The following ZNF76 variants were observed in gnomAD, a reference collection of about 807,000 sequenced individuals.
ZNF76 encodes zinc finger protein 76.
A neutral mutation model predicts 66.9 loss-of-function variants in ZNF76; 66 were observed. That is an observed-to-expected ratio of 0.99 (90% CI 0.81 to 1.21). The LOEUF (loss-of-function observed/expected upper bound fraction) is 1.21, where lower values mean the gene tolerates loss of function less well. Ranked by LOEUF, ZNF76 falls within the 50% of genes most tolerant of loss-of-function variation. ZNF76 has a pLI of 0.00. For synonymous variants in ZNF76, 275 were observed against 296.1 expected (o/e 0.93, Z 0.73); for missense variants, 729 against 760.3 (o/e 0.96, Z 0.48).
At position 35,295,289 on chromosome 6, in the gene ZNF76, C is replaced by T; in HGVS notation, c.*41C>T. The T allele has an allele frequency of 6.6e-7, 1 of 1,514,720 alleles. No individual in the cohort carries two copies. The highest frequency in any genetic ancestry group is 1.7e-4 in the Middle Eastern group (1 of 5,898). The allele number at this position is 1,514,720 out of a possible 1,614,324, so 93.8% of individuals were successfully genotyped here. On this transcript the variant is annotated 3_prime_UTR_variant, in exon 14 of 14. Coordinates refer to ENST00000373953, the MANE Select transcript of ZNF76 (RefSeq NM_003427.5). ...GTCCCACACCATGCTGGAGGAAGTGCCATCTGCATGGCCACTCTTGCCCCC... is the reference window on the plus strand; with the variant it reads ...GTCCCACACCATGCTGGAGGAAGTGTCATCTGCATGGCCACTCTTGCCCCC...
chr6:35,294,650 T>C (rs769057190), intron 13 of ZNF76, 81 bp downstream of exon 13: 22 of 1,005,822 alleles, frequency 2.2e-5, no homozygotes, highest in Admixed American at 5.6e-5. Context: ...ATGAGGATCT[T>C]GAAGAGAAGG....
chr6:35,271,541 G>A (rs1295784134), intron 1 of ZNF76, among the ~76,000 whole-genome samples: 3 of 152,116 alleles, frequency 2.0e-5, no homozygotes, highest in Non-Finnish European at 2.9e-5. Flanking sequence ...GTGATGGCTC[G>A]TGTCTGTAGT....
At chr6:35,263,503 C>T (rs1390508321) in intron 1 of ZNF76, among the ~76,000 whole-genome samples, 1 of 152,180 alleles carries the variant, frequency 6.6e-6, no homozygotes, top group Non-Finnish European at 1.5e-5. Flanking sequence ...TGTGGGTCAC[C>T]AAATTCCCAG....
rs1255198716 is a variant in ZNF76, at chr6:35,293,186, G to A, written c.1329+142G>A. 20 of 989,030 alleles carry A rather than the reference G, an allele frequency of 2.0e-5. No homozygotes were observed. The Admixed American group carries it at 2.3e-4, about 11-fold the overall frequency. 61.3% of individuals were successfully genotyped at this position (989,030 alleles called of 1,614,324 possible). ...TTTATAGACTTCAGAGGCTGAGGCTGAGGAGACCACATCTTGCAGCACAGC... is the reference window on the plus strand; with the variant it reads ...TTTATAGACTTCAGAGGCTGAGGCTAAGGAGACCACATCTTGCAGCACAGC... On this transcript the variant is annotated intron_variant, in intron 11 of 13. Coordinates refer to ENST00000373953, the MANE Select transcript of ZNF76 (RefSeq NM_003427.5).
chr6:35,294,735 C>T (rs1350359656), intron 13 of ZNF76, 166 bp downstream of exon 13: 2 of 678,906 alleles, frequency 2.9e-6, no homozygotes, highest in Admixed American at 2.1e-5. Flanking sequence ...GTCTCAGGCT[C>T]GCTCTTGGCT....
chr6:35,274,950 C>G (rs955963602), intron 1 of ZNF76, among the ~76,000 whole-genome samples: 1 of 151,888 alleles, frequency 6.6e-6, no homozygotes, highest in Non-Finnish European at 1.5e-5. Context: ...GTCAGGAGTT[C>G]GAGATCAGCC....
Position 35,286,116 on chromosome 6 carries a change from C to T in ZNF76, c.74-12C>T. ...GTCCTGGCCCATTTCTCTCTATTTC[C>T]ACTCTTAACAGGAGAGAAGCTTCTT... On this transcript the variant is annotated splice_polypyrimidine_tract_variant and intron_variant, in intron 2 of 13. Coordinates refer to ENST00000373953, the MANE Select transcript of ZNF76 (RefSeq NM_003427.5). The T allele has an allele frequency of 1.2e-6, 2 of 1,613,548 alleles. No individual in the cohort carries two copies. The highest frequency in any genetic ancestry group is 1.1e-5 in the South Asian group (1 of 91,070).
Position 35,292,014 on chromosome 6 carries a change from C to CT in ZNF76, c.931+278dup. 1 of 534,488 alleles carries CT rather than the reference C, an allele frequency of 1.9e-6. No homozygotes were observed. The highest frequency in any genetic ancestry group is 2.1e-5 in the South Asian group (1 of 46,648). 33.1% of individuals were successfully genotyped at this position (534,488 alleles called of 1,614,324 possible). ...TACACCCACCCTGAGTTCTCCAACTCTGACTGAACTCTTGAAAAGAGGCCA... is the reference window on the plus strand; with the variant it reads ...TACACCCACCCTGAGTTCTCCAACTCTTGACTGAACTCTTGAAAAGAGGCCA... On this transcript the variant is annotated intron_variant, in intron 9 of 13. Coordinates refer to ENST00000373953, the MANE Select transcript of ZNF76 (RefSeq NM_003427.5). This position sits in a 1 kb window ranked among gnomAD's most constrained non-coding sequence, Gnocchi z 4.7.
Position 35,290,323 on chromosome 6 carries a change from G to C in ZNF76, c.490G>C (p.Ala164Pro). 1 of 1,614,218 alleles carries C rather than the reference G, an allele frequency of 6.2e-7. No homozygotes were observed. Among genetic ancestry groups the C allele is most frequent in the South Asian group, 1.1e-5 (1 of 91,082 alleles). The change falls in exon 6 of 14, where the codon GCA (alanine) becomes CCA (proline). Residue 164 changes from alanine to proline, a missense_variant. Transcript: ENST00000373953. ...AAAAGGGCAGCAAGTTGGAGACAGA[G>C]CATTCCGCTGTGGCTACAAGGGCTG... Reference protein sequence around the residue: ...NGKGQQVGDRAFRCGYKGCGR... With the variant: ...NGKGQQVGDRPFRCGYKGCGR...
chr6:35,291,445 A>G (rs1227807193), intron 8 of ZNF76, 42 bp downstream of exon 8: 1 of 1,613,706 alleles, frequency 6.2e-7, no homozygotes, highest in South Asian at 1.1e-5. Context: ...TCCCTGGGCA[A>G]AAGGAATTCA....
In ZNF76 at chr6:35,292,291, C is replaced by A; in HGVS notation, c.932-263C>A. The A allele has an allele frequency of 1.8e-6, 1 of 546,738 alleles. No homozygotes were observed. The highest frequency in any genetic ancestry group is 3.3e-6 in the Non-Finnish European group (1 of 301,738). 33.9% of individuals were successfully genotyped at this position (546,738 alleles called of 1,614,324 possible). The stretch of plus-strand genomic sequence containing the variant: ...TCAACCTTATAAGCCCCAGTGCCCC[C>A]TACCAGCCCCTTCACTAGCCCCAGC... On this transcript the variant is annotated intron_variant, in intron 9 of 13. Coordinates refer to ENST00000373953, the MANE Select transcript of ZNF76 (RefSeq NM_003427.5). This position sits in a 1 kb window ranked among gnomAD's most constrained non-coding sequence, Gnocchi z 4.7.
intron 1 of ZNF76, chr6:35,279,922 C>T (rs1788506527): frequency 6.6e-6 from 1 of 152,132 alleles, no homozygotes; most frequent in Non-Finnish European, 1.5e-5. Flanking sequence ...GTTTCAAATT[C>T]CTGGGGTCAG....
chr6:35,275,608 C>G (rs1485992310), intron 1 of ZNF76, among the ~76,000 whole-genome samples: 1 of 152,188 alleles, frequency 6.6e-6, no homozygotes, highest in African/African-American at 2.4e-5. Context: ...TCCTCACCCT[C>G]TGCAGTCAGG....
chr6:35,261,824 A>G (rs1785296090), intron 1 of ZNF76, among the ~76,000 whole-genome samples: 1 of 151,616 alleles, frequency 6.6e-6, no homozygotes, highest in Non-Finnish European at 1.5e-5. Flanking sequence ...CCTGACCCCC[A>G]AGGTTTCTAT....
intron 12 of ZNF76, 156 bp downstream of exon 12, chr6:35,294,071 G>T (rs1235739063): frequency 1.1e-5 from 9 of 847,894 alleles, no homozygotes; most frequent in Non-Finnish European, 1.2e-5. Context: ...GCCATGAGCA[G>T]CTCTTACCTT....
intron 5 of ZNF76, chr6:35,288,123 A>C: frequency 3.2e-6 from 2 of 630,664 alleles, no homozygotes; most frequent in Non-Finnish European, 5.9e-6. Flanking sequence ...GAAAGCTGCC[A>C]TAAGAAACAG....
chr6:35,286,457 G>A (rs1789582540), intron 4 of ZNF76, 58 bp downstream of exon 4: 2 of 1,529,268 alleles, frequency 1.3e-6, no homozygotes, highest in Non-Finnish European at 1.8e-6. Flanking sequence ...GGAGGATGGG[G>A]TGGCAGGACT....
intron 11 of ZNF76, among the ~76,000 whole-genome samples, chr6:35,293,543 T>G (rs1050648404): frequency 1.3e-5 from 2 of 152,166 alleles, no homozygotes; most frequent in Non-Finnish European, 2.9e-5. Context: ...AAAGTGGTGA[T>G]AAATAGAAGT....
intron 5 of ZNF76, chr6:35,288,464 T>C: frequency 3.2e-6 from 1 of 316,514 alleles, no homozygotes; most frequent in Non-Finnish European, 6.2e-6. Flanking sequence ...GGGAAAAGGG[T>C]ACAGACATCT....
Sources: allele counts gnomAD v4.1 joint callset (sites outside exome capture counted in the v4.1 genomes callset), GRCh38; gene constraint gnomAD v4.1.1; non-coding constraint Gnocchi (gnomAD v3.1); transcripts MANE v1.5; gene names NCBI Gene and HGNC (gene_info 2026-07-23, HGNC 2026-07-21).